The following LINGO2 variants were observed in gnomAD, a reference collection of about 807,000 sequenced individuals.
LINGO2 encodes leucine rich repeat and Ig domain containing 2.
In LINGO2, 14 loss-of-function variants were observed where a neutral mutation model predicts 30.6. The observed-to-expected ratio is 0.46, with a 90% CI of 0.30 to 0.72. The LOEUF (loss-of-function observed/expected upper bound fraction) is 0.72, where lower values mean the gene tolerates loss of function less well. Among genes scored for constraint, LINGO2 ranks in the 30% least tolerant of loss-of-function variants. The probability of loss-of-function intolerance (pLI) is 0.07; values close to 1 mark genes in which losing one functional copy is unlikely to be tolerated. For missense variants in LINGO2, 729 were observed against 751.7 expected (o/e 0.97, Z 0.35); for synonymous variants, 317 against 288.5 (o/e 1.10, Z -1.00).
At chr9:28,256,975 T>C (rs1159417193) in intron 4 of LINGO2, among the ~76,000 whole-genome samples, 1 of 151,888 alleles carries the variant, frequency 6.6e-6, no homozygotes, top group African/African-American at 2.4e-5. Flanking sequence ...GTGAGGAATA[T>C]CTTCCTGGAT....
At chr9:28,985,877 T>G in the LINGO2 span, among the ~76,000 whole-genome samples, 1 of 152,082 alleles carries the variant, frequency 6.6e-6, no homozygotes, top group Admixed American at 6.6e-5. Flanking sequence ...CTAATCCCAT[T>G]TGTCTATTTT....
chr9:29,034,835 G>A, the LINGO2 span, among the ~76,000 whole-genome samples: 5 of 152,058 alleles, frequency 3.3e-5, no homozygotes, highest in South Asian at 2.1e-4. Context: ...CAGCACTATC[G>A]ATTTACTGAC....
At chr9:28,095,248 C>T (rs1022938596) in intron 4 of LINGO2, among the ~76,000 whole-genome samples, 2 of 152,122 alleles carry the variant, frequency 1.3e-5, no homozygotes, top group African/African-American at 4.8e-5. Context: ...CTGCTATCAT[C>T]ACAGCCCAAT....
Position 28,125,954 on chromosome 9 carries a change from C to T in LINGO2, c.-86-113549G>A, listed in dbSNP as rs143695653. 4.8e-3 allele frequency among the ~76,000 whole-genome samples: 733 copies of T among 152,280 alleles called. 12 individuals carry two copies. Among genetic ancestry groups the T allele is most frequent in the African/African-American group, 0.016 (669 of 41,558 alleles). The stretch of plus-strand genomic sequence containing the variant: ...AAAATTGAGTACCAACCAAACTGCA[C>T]CTGTTATACTCCATATCAATAGGAT... On this transcript the variant is annotated intron_variant, in intron 4 of 5. Coordinates refer to ENST00000379992, the Ensembl canonical transcript of LINGO2.
intron 4 of LINGO2, among the ~76,000 whole-genome samples, chr9:28,043,428 G>A (rs1390241518): frequency 1.3e-5 from 2 of 152,168 alleles, no homozygotes. Context: ...GTATGTAGAA[G>A]GAGAGTATGG....
intron 4 of LINGO2, among the ~76,000 whole-genome samples, chr9:28,045,554 A>G (rs979247516): frequency 7.2e-5 from 11 of 152,244 alleles, no homozygotes; most frequent in Non-Finnish European, 1.5e-4. Context: ...GAGAGAAAAG[A>G]TTGAGAATTA....
chr9:29,186,619 TAAGA>T, the LINGO2 span, among the ~76,000 whole-genome samples: 1 of 152,132 alleles, frequency 6.6e-6, no homozygotes, highest in Non-Finnish European at 1.5e-5. Context: ...GCATTTGCAC[TAAGA>T]TAGTTCATTA....
chr9:28,614,752 G>T (rs1826063779), intron 1 of LINGO2, among the ~76,000 whole-genome samples: 1 of 152,024 alleles, frequency 6.6e-6, no homozygotes, highest in Non-Finnish European at 1.5e-5. Flanking sequence ...TAAGGTTTTG[G>T]CCAATGGGAA....
intron 4 of LINGO2, among the ~76,000 whole-genome samples, chr9:28,261,405 C>T (rs1369782762): frequency 6.6e-6 from 1 of 151,860 alleles, no homozygotes. Flanking sequence ...GTATTCAAAA[C>T]AATATTTGAA....
At chr9:28,619,907 T>G (rs184191662) in intron 1 of LINGO2, among the ~76,000 whole-genome samples, 1 of 152,204 alleles carries the variant, frequency 6.6e-6, no homozygotes, top group East Asian at 1.9e-4. Flanking sequence ...TTCCATAAAT[T>G]GGCAACAAAA....
At chr9:28,517,926 A>C (rs983903902) in intron 1 of LINGO2, among the ~76,000 whole-genome samples, 1 of 152,204 alleles carries the variant, frequency 6.6e-6, no homozygotes, top group African/African-American at 2.4e-5. Flanking sequence ...GGAATTTTTA[A>C]ATTGAAGAAC....
the LINGO2 span, among the ~76,000 whole-genome samples, chr9:28,847,116 C>T: frequency 6.9e-6 from 1 of 145,444 alleles, no homozygotes; most frequent in Non-Finnish European, 1.5e-5. Flanking sequence ...ATAATTCTCT[C>T]AATCAGAGGG....
chr9:28,602,073 G>T (rs1295114087), intron 1 of LINGO2, among the ~76,000 whole-genome samples: 1 of 152,006 alleles, frequency 6.6e-6, no homozygotes, highest in Non-Finnish European at 1.5e-5. Context: ...CAAGGGAGTG[G>T]GGAGGCACAA....
chr9:28,658,785 C>T (rs1828466009), intron 1 of LINGO2, among the ~76,000 whole-genome samples: 1 of 151,982 alleles, frequency 6.6e-6, no homozygotes, highest in South Asian at 2.1e-4. Context: ...AGAAAACTAA[C>T]ACAATACCTG....
chr9:28,072,624 C>T (rs1326161931), intron 4 of LINGO2, among the ~76,000 whole-genome samples: 1 of 152,182 alleles, frequency 6.6e-6, no homozygotes, highest in Non-Finnish European at 1.5e-5. Flanking sequence ...ACAATAGCCA[C>T]TCGGTAAATG....
intron 4 of LINGO2, among the ~76,000 whole-genome samples, chr9:28,260,925 GCAT>G (rs557818462): frequency 3.0e-4 from 45 of 151,984 alleles, no homozygotes; most frequent in Admixed American, 2.2e-3. Flanking sequence ...ACCTGCTGTG[GCAT>G]CATCAACAAT....
the LINGO2 span, among the ~76,000 whole-genome samples, chr9:28,974,910 A>C: frequency 6.6e-6 from 1 of 151,710 alleles, no homozygotes; most frequent in African/African-American, 2.4e-5. Context: ...ATTGGTATTC[A>C]TTTTCATTGG....
chr9:28,482,741 G>C (rs1037425526), intron 1 of LINGO2, among the ~76,000 whole-genome samples: 4 of 152,078 alleles, frequency 2.6e-5, no homozygotes, highest in African/African-American at 9.7e-5. Context: ...ACAAGCAATG[G>C]GGAAAGGGTT....
intron 1 of LINGO2, chr9:28,598,618 G>A (rs1048094136): frequency 2.0e-5 from 3 of 152,218 alleles, no homozygotes; most frequent in Admixed American, 2.0e-4. Flanking sequence ...TCAGTGGTGT[G>A]AGCAGCCCAG....
Sources: allele counts gnomAD v4.1 joint callset (sites outside exome capture counted in the v4.1 genomes callset), GRCh38; gene constraint gnomAD v4.1.1; transcripts MANE v1.5; gene names NCBI Gene and HGNC (gene_info 2026-07-23, HGNC 2026-07-21).